The following COL8A2 variants were observed in gnomAD, a reference collection of about 807,000 sequenced individuals.
COL8A2 encodes collagen type VIII alpha 2 chain.
Under a neutral mutation model 24.0 loss-of-function variants are expected in COL8A2, and 16 were observed. The ratio of observed to expected loss-of-function variants is 0.67; its 90% CI spans 0.45 to 1.01. The LOEUF is 1.01. Ranked by LOEUF, COL8A2 falls within the 50% of genes least tolerant of loss-of-function variation. The pLI is 0.00. For missense variants in COL8A2, 818 were observed against 942.4 expected, an observed-to-expected ratio of 0.87 and a Z score of 1.73; for synonymous variants, 466 against 424.5, an observed-to-expected ratio of 1.10 and a Z score of -1.20.
intron 1 of COL8A2, among the ~76,000 whole-genome samples, chr1:36,119,225 A>G (rs1643893422): frequency 6.6e-6 from 1 of 152,206 alleles, no homozygotes; most frequent in South Asian, 2.1e-4. Context: ...GGATTAAACA[A>G]GTTAATTTTG....
Position 36,099,506 on chromosome 1 carries a change from G to A in COL8A2, c.194-19C>T. 6.7e-7 allele frequency: 1 copy of A among 1,498,158 alleles called. No individual in the cohort carries two copies. The highest frequency in any genetic ancestry group is 9.0e-7 in the Non-Finnish European group (1 of 1,112,228). 92.8% of individuals were successfully genotyped at this position (1,498,158 alleles called of 1,614,324 possible). On this transcript the variant is annotated intron_variant, in intron 3 of 3. Transcript: ENST00000397799. Reference sequence around the variant, plus strand: ...GGCATTTCTGAGAAAGAAAGAGAAAGGGGCAGTCAGGGGCCTGAACTGTGG... The same window carrying A: ...GGCATTTCTGAGAAAGAAAGAGAAAAGGGCAGTCAGGGGCCTGAACTGTGG...
chr1:36,104,330 A>G (rs2124084607), intron 2 of COL8A2, among the ~76,000 whole-genome samples: 1 of 151,354 alleles, frequency 6.6e-6, no homozygotes, highest in Admixed American at 6.6e-5. Context: ...GATCTCTACT[A>G]AAAATACAAA....
rs1233937059 is a variant in COL8A2, at chr1:36,098,585, C to T, written c.1096G>A (p.Ala366Thr). 6.2e-7 allele frequency: 1 copy of T among 1,610,016 alleles called. No homozygotes were observed. The highest frequency in any genetic ancestry group is 1.1e-5 in the South Asian group (1 of 90,634). The change falls in exon 4 of 4, where the codon GCA (alanine) becomes ACA (threonine). Residue 366 changes from alanine (A) to threonine (T), a missense_variant. Coordinates refer to ENST00000397799, the MANE Select transcript of COL8A2 (RefSeq NM_005202.4). Reference protein sequence around the residue: ...LGGPPGLPGSAGLPGRRGPPG... With the variant: ...LGGPPGLPGSTGLPGRRGPPG... ...GGCCCACGTCTGCCAGGAAGCCCTG[C>T]AGACCCAGGAAGTCCAGGGGGACCC...
intron 2 of COL8A2, among the ~76,000 whole-genome samples, chr1:36,112,902 C>A (rs1007761212): frequency 2.0e-5 from 3 of 152,206 alleles, no homozygotes; most frequent in African/African-American, 7.2e-5. Context: ...GTGAGCCACA[C>A]GTTGGCACAG....
intron 2 of COL8A2, among the ~76,000 whole-genome samples, chr1:36,110,267 T>TAA (rs35039453): frequency 1.3e-3 from 185 of 137,842 alleles, no homozygotes; most frequent in Non-Finnish European, 1.2e-3. Context: ...TGCTCTCATT[T>TAA]AAAAAAAAAA....
intron 2 of COL8A2, among the ~76,000 whole-genome samples, chr1:36,108,375 C>A (rs367562421): frequency 6.6e-6 from 1 of 152,230 alleles, no homozygotes; most frequent in Non-Finnish European, 1.5e-5. Context: ...GCTCTGCCCA[C>A]GACTGGCTGT....
chr1:36,109,274 C>G (rs1409770539), intron 2 of COL8A2, among the ~76,000 whole-genome samples: 1 of 152,218 alleles, frequency 6.6e-6, no homozygotes, highest in Non-Finnish European at 1.5e-5. Context: ...CTCCTTGCTC[C>G]CCAGCCTTGC....
At chr1:36,121,637 G>A (rs1285218145) in intron 1 of COL8A2, among the ~76,000 whole-genome samples, 1 of 151,520 alleles carries the variant, frequency 6.6e-6, no homozygotes, top group African/African-American at 2.4e-5. Flanking sequence ...AACCTGGGAG[G>A]TGGAGGTTGC....
In COL8A2 at chr1:36,098,002, C is replaced by T. The variant is rs766500958; in HGVS notation, c.1679G>A (p.Gly560Asp). The T allele has an allele frequency of 1.3e-6, 2 of 1,597,366 alleles. No individual in the cohort carries two copies. The highest frequency in any genetic ancestry group is 1.1e-5 in the South Asian group (1 of 90,308). ...GVEGAVLGKG[G>D]KPQFGLGELS... Reference sequence around the variant, plus strand: ...CTCGCCCAGCCCAAACTGTGGCTTGCCCCCCTTGCCCAGCACGGCACCCTC... The same window carrying T: ...CTCGCCCAGCCCAAACTGTGGCTTGTCCCCCTTGCCCAGCACGGCACCCTC... The change falls in exon 4 of 4, where the codon GGC becomes GAC. Residue 560 changes from glycine to aspartate, a missense_variant. Physicochemically the swap from Gly to Asp is moderately conservative, Grantham distance 94. This residue lies in a region of COL8A2 where 235 missense variants were observed against 297.3 expected (regional missense o/e 0.79). Coordinates refer to ENST00000397799, the MANE Select transcript of COL8A2 (RefSeq NM_005202.4).
rs1482689417 is a variant in COL8A2 at position 36,097,049 on chromosome 1, A to G, written c.*520T>C. The stretch of plus-strand genomic sequence containing the variant: ...GCTGCAGTCCTGGCAGGGTGTCCAC[A>G]CTCGCCACCTCGATGGTCCCCTCTT... On this transcript the variant is annotated 3_prime_UTR_variant, in exon 4 of 4. Coordinates refer to ENST00000397799, the MANE Select transcript of COL8A2 (RefSeq NM_005202.4). The G allele has an allele frequency of 6.2e-6, 1 of 161,602 alleles. No homozygotes were observed. The highest frequency in any genetic ancestry group is 2.4e-5 in the African/African-American group (1 of 41,462). The allele number at this position is 161,602 out of a possible 1,614,324, so 10.0% of individuals were successfully genotyped here.
intron 1 of COL8A2, among the ~76,000 whole-genome samples, chr1:36,120,346 G>A (rs1265345536): frequency 2.6e-5 from 4 of 151,836 alleles, no homozygotes; most frequent in Non-Finnish European, 5.9e-5. Flanking sequence ...CCAGCTACTA[G>A]GGAGGCTGAA....
chr1:36,110,410 C>A (rs549971406), intron 2 of COL8A2, among the ~76,000 whole-genome samples: 86 of 152,310 alleles, frequency 5.6e-4, no homozygotes, highest in African/African-American at 2.0e-3. Context: ...CAACTTCTTT[C>A]CTCCATCTCT....
intron 1 of COL8A2, among the ~76,000 whole-genome samples, chr1:36,117,360 G>C (rs918724304): frequency 6.6e-6 from 1 of 152,220 alleles, no homozygotes; most frequent in Non-Finnish European, 1.5e-5. Context: ...GAGACTCTGG[G>C]AGAAGAAATG....
chr1:36,118,682 C>A (rs1200692837), intron 1 of COL8A2, among the ~76,000 whole-genome samples: 1 of 146,078 alleles, frequency 6.8e-6, no homozygotes, highest in Non-Finnish European at 1.5e-5. Context: ...CACCCCCCGC[C>A]CCCCACCCCC....
At position 36,098,825 on chromosome 1, in the gene COL8A2, C is replaced by T; in HGVS notation, c.856G>A (p.Ala286Thr). 6.2e-7 allele frequency: 1 copy of T among 1,612,152 alleles called. No homozygotes were observed. The highest frequency in any genetic ancestry group is 8.5e-7 in the Non-Finnish European group (1 of 1,179,686). ...GGGCCCTGTGGTCCTGGCAACCCTGCTGCCCCTGGGACTCCCACACCGTCT... is the reference window on the plus strand; with the variant it reads ...GGGCCCTGTGGTCCTGGCAACCCTGTTGCCCCTGGGACTCCCACACCGTCT... ...GVDGVGVPGA[A>T]GLPGPQGPSG... Residue 286 changes from alanine to threonine, a missense_variant, in exon 4 of 4, where the codon GCA (alanine) becomes ACA (threonine). Ala to Thr is a moderately conservative substitution (Grantham distance 58, BLOSUM62 0). Transcript: ENST00000397799.
rs901450204 is a variant in COL8A2 at position 36,123,579 on chromosome 1, G to A, written c.-62+1478C>T. Among the ~76,000 whole-genome samples, 4 of 152,148 alleles carry A rather than the reference G, an allele frequency of 2.6e-5. No individual in the cohort carries two copies. The highest frequency in any genetic ancestry group is 4.4e-5 in the Non-Finnish European group (3 of 68,018). On this transcript the variant is annotated intron_variant, in intron 1 of 3. Transcript: ENST00000397799. This position sits in a 1 kb window ranked among gnomAD's most constrained non-coding sequence, Gnocchi z 4.1. ...TGTGTGTGTGTGCCGTCCTGTCTGA[G>A]TATGTCTGGCTGGGCCACGTGGGGC...
At chr1:36,118,708 G>A (rs1643891057) in intron 1 of COL8A2, among the ~76,000 whole-genome samples, 1 of 151,490 alleles carries the variant, frequency 6.6e-6, no homozygotes, top group South Asian at 2.1e-4. Context: ...GCTTCTGAGA[G>A]CTGCAGGGTT....
At chr1:36,106,335 T>C (rs1643761386) in intron 2 of COL8A2, among the ~76,000 whole-genome samples, 1 of 149,686 alleles carries the variant, frequency 6.7e-6, no homozygotes, top group East Asian at 2.0e-4. Flanking sequence ...AGCACCACAG[T>C]GAGAGCCTAA....
intron 2 of COL8A2, among the ~76,000 whole-genome samples, chr1:36,108,051 T>G (rs965065147): frequency 1.4e-4 from 21 of 152,288 alleles, no homozygotes; most frequent in African/African-American, 4.8e-4. Flanking sequence ...TTTGATGAAC[T>G]CAATTCACCA....
Sources: gnomAD v4.1 joint callset for allele counts (sites outside exome capture counted in the v4.1 genomes callset) on GRCh38, gnomAD v4.1.1 for gene constraint, gnomAD v4.1.1 regional missense constraint, Gnocchi (gnomAD v3.1) non-coding constraint, MANE v1.5 for transcripts, NCBI Gene and HGNC (gene_info 2026-07-23, HGNC 2026-07-21) for gene names.